The following STX8 variants were observed in gnomAD, a reference collection of about 807,000 sequenced individuals.
STX8 encodes syntaxin-8.
In STX8, 23 loss-of-function variants were observed where a neutral mutation model predicts 37.5. The observed-to-expected ratio is 0.61, with a 90% CI of 0.44 to 0.87. STX8 has a LOEUF of 0.87. Among genes scored for constraint, STX8 ranks in the 40% least tolerant of loss-of-function variants. STX8 has a pLI of 0.00. For missense variants in STX8, 313 were observed against 284.7 expected (o/e 1.10, Z -0.71); for synonymous variants, 115 against 99.1 (o/e 1.16, Z -0.95).
At chr17:9,565,612 CAAAAAAAAAAAA>C (rs61319674) in intron 2 of STX8, among the ~76,000 whole-genome samples, 3 of 72,676 alleles carry the variant, frequency 4.1e-5, no homozygotes, top group African/African-American at 1.5e-4. Context: ...AACACCGTCT[CAAAAAAAAAAAA>C]AAAAAAAAAA....
At chr17:9,312,388 A>G (rs1909222258) in intron 7 of STX8, among the ~76,000 whole-genome samples, 1 of 151,428 alleles carries the variant, frequency 6.6e-6, no homozygotes, top group African/African-American at 2.4e-5. Flanking sequence ...TTTAGTAGAG[A>G]TGGGGTTTCT....
chr17:9,420,963 C>T (rs775382247), intron 6 of STX8, among the ~76,000 whole-genome samples: 3 of 152,188 alleles, frequency 2.0e-5, no homozygotes, highest in African/African-American at 7.2e-5. Context: ...ACCAGTTTCT[C>T]AGCGGGCTCT....
chr17:9,425,690 G>T (rs187025200), intron 6 of STX8, among the ~76,000 whole-genome samples: 7 of 152,270 alleles, frequency 4.6e-5, no homozygotes, highest in Non-Finnish European at 1.0e-4. Context: ...AATAATTGCG[G>T]TACAGCATTT....
At chr17:9,515,012 T>C (rs1023063910) in intron 4 of STX8, among the ~76,000 whole-genome samples, 1 of 152,176 alleles carries the variant, frequency 6.6e-6, no homozygotes, top group Non-Finnish European at 1.5e-5. Flanking sequence ...GTAGTTATTA[T>C]ATAGTCGGCA....
At position 9,275,259 on chromosome 17, in the gene STX8, G is replaced by A. The variant is rs532105503; in HGVS notation, c.644-24614C>T. ...GTATATTTCCACTTTCACTCCAAGC[G>A]TCCATGGGAACTTCTTTCCTTTGTC... On this transcript the variant is annotated intron_variant, in intron 7 of 7. Transcript: ENST00000306357. Among the ~76,000 whole-genome samples, 144 of 152,180 alleles carry A rather than the reference G, an allele frequency of 9.5e-4. 1 individual carries two copies. Among genetic ancestry groups the A allele is most frequent in the African/African-American group, 3.3e-3 (136 of 41,528 alleles).
At chr17:9,533,082 T>G (rs1810792748) in intron 4 of STX8, among the ~76,000 whole-genome samples, 1 of 152,182 alleles carries the variant, frequency 6.6e-6, no homozygotes, top group African/African-American at 2.4e-5. Context: ...CTTCTCAAAA[T>G]AGAATTAAAC....
chr17:9,327,003 CA>C (rs1909776208), intron 7 of STX8, among the ~76,000 whole-genome samples: 1 of 151,834 alleles, frequency 6.6e-6, no homozygotes, highest in African/African-American at 2.4e-5. Flanking sequence ...ACTAAAAATA[CA>C]AAATTAGCCG....
At chr17:9,441,672 C>CTTT (rs1161609414) in intron 6 of STX8, among the ~76,000 whole-genome samples, 122 of 93,272 alleles carry the variant, frequency 1.3e-3, no homozygotes, top group East Asian at 3.1e-3. Context: ...AGCACCATGG[C>CTTT]TTTTTTTTTT....
chr17:9,493,097 CAAAA>C (rs34911369), intron 5 of STX8, among the ~76,000 whole-genome samples: 1 of 110,992 alleles, frequency 9.0e-6, no homozygotes. Context: ...GACTCCGTCT[CAAAA>C]AAAAAAAAAA....
intron 6 of STX8, among the ~76,000 whole-genome samples, chr17:9,448,351 T>C (rs1904925747): frequency 6.6e-6 from 1 of 152,178 alleles, no homozygotes; most frequent in African/African-American, 2.4e-5. Context: ...CACTCCTAAC[T>C]GAGGCTGAGC....
At chr17:9,323,708 A>G (rs759423091) in intron 7 of STX8, among the ~76,000 whole-genome samples, 29 of 152,142 alleles carry the variant, frequency 1.9e-4, no homozygotes, top group Non-Finnish European at 2.6e-4. Context: ...AGATTGCGTT[A>G]CTCCAGAATG....
At chr17:9,560,206 T>C (rs1456931441) in intron 2 of STX8, among the ~76,000 whole-genome samples, 1 of 151,074 alleles carries the variant, frequency 6.6e-6, no homozygotes, top group Admixed American at 6.6e-5. Flanking sequence ...AAAACCAGCC[T>C]GGCCAACATG....
chr17:9,513,649 G>C (rs1905088611), intron 4 of STX8, among the ~76,000 whole-genome samples: 1 of 152,186 alleles, frequency 6.6e-6, no homozygotes, highest in South Asian at 2.1e-4. Flanking sequence ...GCTACCATAT[G>C]ATCCAGCAAT....
chr17:9,519,139 C>T (rs182636461), intron 4 of STX8, among the ~76,000 whole-genome samples: 12 of 152,220 alleles, frequency 7.9e-5, no homozygotes, highest in African/African-American at 1.2e-4. Context: ...TTGAAAATCA[C>T]GGTGCTAAAC....
At chr17:9,361,551 A>C (rs1452356417) in intron 7 of STX8, among the ~76,000 whole-genome samples, 1 of 152,230 alleles carries the variant, frequency 6.6e-6, no homozygotes, top group Admixed American at 6.5e-5. Flanking sequence ...CAGAACAATC[A>C]ATGTGGCCAA....
intron 6 of STX8, among the ~76,000 whole-genome samples, chr17:9,391,176 G>C (rs1338617283): frequency 1.3e-5 from 2 of 152,114 alleles, no homozygotes; most frequent in African/African-American, 4.8e-5. Context: ...TCACAGGCTG[G>C]GCTCGGTGGT....
At chr17:9,526,450 G>C (rs1905574408) in intron 4 of STX8, among the ~76,000 whole-genome samples, 2 of 152,172 alleles carry the variant, frequency 1.3e-5, no homozygotes, top group Non-Finnish European at 2.9e-5. Context: ...ATGCTTAGGG[G>C]TGACTGTAAT....
chr17:9,336,377 CTTCCT>C (rs1405053706), intron 7 of STX8, among the ~76,000 whole-genome samples: 1 of 151,648 alleles, frequency 6.6e-6, no homozygotes, highest in African/African-American at 2.4e-5. Context: ...CTTTCCTTTC[CTTCCT>C]TTCTTTCTCC....
intron 7 of STX8, among the ~76,000 whole-genome samples, chr17:9,324,750 A>C (rs999564490): frequency 1.4e-5 from 2 of 144,606 alleles, no homozygotes; most frequent in African/African-American, 5.3e-5. Flanking sequence ...GGGTGACAAG[A>C]GCAAAACTCC....
Sources: gnomAD v4.1 joint callset for allele counts (sites outside exome capture counted in the v4.1 genomes callset) on GRCh38, gnomAD v4.1.1 for gene constraint, MANE v1.5 for transcripts, NCBI Gene and HGNC (gene_info 2026-07-23, HGNC 2026-07-21) for gene names.